LARP1B: variants seen among roughly 807,000 people sequenced by gnomAD.
LARP1B encodes the protein la-related protein 1B.
In LARP1B, 76 loss-of-function variants were observed where a neutral mutation model predicts 114.2. That is an observed-to-expected ratio of 0.67 (90% CI 0.55 to 0.81). The LOEUF is 0.81. Ranked by LOEUF, LARP1B falls within the 30% of genes least tolerant of loss-of-function variation. The pLI, the probability that LARP1B is intolerant of heterozygous loss-of-function variation, is 0.00. For missense variants in LARP1B, 1,014 were observed against 1,075.8 expected, an observed-to-expected ratio of 0.94 and a Z score of 0.80; for synonymous variants, 345 against 348.0, an observed-to-expected ratio of 0.99 and a Z score of 0.10.
chr4:128,196,248 C>CAAAAAAA (rs35423896), intron 15 of LARP1B, among the ~76,000 whole-genome samples: 13 of 88,592 alleles, frequency 1.5e-4, no homozygotes, highest in African/African-American at 3.5e-4. Flanking sequence ...GAGAGTCTGT[C>CAAAAAAA]AAAAAAAAAA....
chr4:128,061,358 C>G lies in LARP1B; in HGVS notation c.-121C>G, dbSNP rs1760026739. 6.6e-6 allele frequency: 1 copy of G among 152,284 alleles called. No individual in the cohort carries two copies. The highest frequency in any genetic ancestry group is 6.5e-5 in the Admixed American group (1 of 15,274). 9.4% of individuals were successfully genotyped at this position (152,284 alleles called of 1,614,324 possible). ...GCGCCTCCCCAACTCGGGTAAAGCT[C>G]CTCGGCCTCGGCGTGCTGCGCCTCC... is the stretch of plus-strand genomic sequence containing the variant. On this transcript the variant is annotated 5_prime_UTR_variant, in exon 1 of 20. Transcript: ENST00000326639.
chr4:128,156,863 TAA>T (rs56753518), intron 11 of LARP1B, among the ~76,000 whole-genome samples: 26,852 of 80,512 alleles, frequency 0.33, 3,106 homozygotes, highest in East Asian at 0.48. Context: ...GGCTTGAAGC[TAA>T]AAAAAAAAAA....
intron 8 of LARP1B, among the ~76,000 whole-genome samples, chr4:128,098,767 A>ATATATATAT (rs1328165907): frequency 8.6e-5 from 3 of 35,036 alleles, no homozygotes; most frequent in African/African-American, 2.5e-4. Context: ...ATATATATAT[A>ATATATATAT]TTTTTTTTTT....
At chr4:128,209,747 T>C in intron 19 of LARP1B, 109 bp from the exon 20 acceptor site, 1 of 762,514 alleles carries the variant, frequency 1.3e-6, no homozygotes, top group African/African-American at 1.8e-5. Flanking sequence ...AAAAAAATTA[T>C]ACTGAAGTGT....
chr4:128,214,185 C>A (rs1331340900), downstream of LARP1B, among the ~76,000 whole-genome samples: 1 of 134,846 alleles, frequency 7.4e-6, no homozygotes, highest in African/African-American at 2.7e-5. Context: ...GCTAGCACAG[C>A]AGTCTGAGAT....
chr4:128,155,866 C>A, intron 11 of LARP1B: 5 of 1,559,108 alleles, frequency 3.2e-6, no homozygotes, highest in Non-Finnish European at 4.4e-6. Flanking sequence ...GCAGAAGGAG[C>A]GCCTGGAGCT....
At chr4:128,178,210 T>A (rs1747081734) in intron 13 of LARP1B, among the ~76,000 whole-genome samples, 1 of 151,676 alleles carries the variant, frequency 6.6e-6, no homozygotes. Context: ...AGCTTCACCC[T>A]TTCTTTAAAA....
At chr4:128,077,186 G>T (rs1388746182) in intron 3 of LARP1B, among the ~76,000 whole-genome samples, 1 of 152,110 alleles carries the variant, frequency 6.6e-6, no homozygotes, top group East Asian at 1.9e-4. Flanking sequence ...GATGAAGTAT[G>T]TGATCAATCT....
At chr4:128,074,220 G>A (rs1766915462) in intron 1 of LARP1B, among the ~76,000 whole-genome samples, 1 of 152,100 alleles carries the variant, frequency 6.6e-6, no homozygotes, top group African/African-American at 2.4e-5. Context: ...GATTACAGGC[G>A]TGAGCCACCC....
chr4:128,161,172 T>C (rs1405744573), intron 11 of LARP1B, among the ~76,000 whole-genome samples: 3 of 152,190 alleles, frequency 2.0e-5, no homozygotes, highest in Non-Finnish European at 4.4e-5. Flanking sequence ...TCTCACAGTT[T>C]AGGCCAGACA....
At chr4:128,208,508 A>C (rs1310714324) in intron 19 of LARP1B, among the ~76,000 whole-genome samples, 3 of 152,132 alleles carry the variant, frequency 2.0e-5, no homozygotes, top group Non-Finnish European at 4.4e-5. Flanking sequence ...ATTAAGAGCT[A>C]TTTTTCTAGA....
At chr4:128,097,402 G>A (rs1258201269) in intron 7 of LARP1B, among the ~76,000 whole-genome samples, 1 of 151,732 alleles carries the variant, frequency 6.6e-6, no homozygotes, top group African/African-American at 2.4e-5. Context: ...TTGCTGCCCG[G>A]GTTCAAGGGA....
rs1364362958 is a variant in LARP1B at position 128,061,340 on chromosome 4, C to G, written c.-139C>G. On this transcript the variant is annotated 5_prime_UTR_variant, in exon 1 of 20. Transcript: ENST00000326639. ...TACCAGCTTTGGCTGCTCGCGCCTC[C>G]CCAACTCGGGTAAAGCTCCTCGGCC... The G allele has an allele frequency of 2.6e-5, 4 of 152,360 alleles. No individual in the cohort carries two copies. The highest frequency in any genetic ancestry group is 9.6e-5 in the African/African-American group (4 of 41,462). The allele number at this position is 152,360 out of a possible 1,614,324, so 9.4% of individuals were successfully genotyped here. A position where few individuals can be genotyped will look rare whatever the true frequency, so the allele number is the denominator to read the frequency against.
At chr4:128,111,386 A>G (rs1784059876) in intron 9 of LARP1B, among the ~76,000 whole-genome samples, 1 of 152,074 alleles carries the variant, frequency 6.6e-6, no homozygotes, top group Non-Finnish European at 1.5e-5. Context: ...ATGAACATTG[A>G]TAATTCATAG....
intron 7 of LARP1B, among the ~76,000 whole-genome samples, chr4:128,097,940 G>A (rs1363487595): frequency 6.6e-6 from 1 of 151,998 alleles, no homozygotes; most frequent in East Asian, 1.9e-4. Flanking sequence ...TAGTGAAACT[G>A]ATCTAAATAG....
rs991298441 is a variant in LARP1B, at chr4:128,210,891, C to A, written c.*838C>A. Reference sequence around the variant, plus strand: ...TGTCCTAAATTAATTAAATCTTGCACTGTTTTGAATGCATCTGCTATTTAT... The same window carrying A: ...TGTCCTAAATTAATTAAATCTTGCAATGTTTTGAATGCATCTGCTATTTAT... On this transcript the variant is annotated 3_prime_UTR_variant, in exon 20 of 20. Coordinates refer to ENST00000326639, the MANE Select transcript of LARP1B (RefSeq NM_018078.4). 1 of 982,660 alleles carries A rather than the reference C, an allele frequency of 1.0e-6. No homozygotes were observed. The highest frequency in any genetic ancestry group is 4.7e-5 in the South Asian group (1 of 21,236). The allele number at this position is 982,660 out of a possible 1,614,324, so 60.9% of individuals were successfully genotyped here.
Position 128,140,984 on chromosome 4 carries a change from T to G in LARP1B, c.1524+18796T>G, listed in dbSNP as rs1206439985. Reference sequence around the variant, plus strand: ...GCATGCACCACCATGCCTGGCTAATTTTTGTATTTTTAGTAGAGATGGAGT... The same window carrying G: ...GCATGCACCACCATGCCTGGCTAATGTTTGTATTTTTAGTAGAGATGGAGT... On this transcript the variant is annotated intron_variant, in intron 11 of 19. Coordinates refer to ENST00000326639, the MANE Select transcript of LARP1B (RefSeq NM_018078.4). Among the ~76,000 whole-genome samples, 3 of 152,004 alleles carry G rather than the reference T, an allele frequency of 2.0e-5. No homozygotes were observed. In the East Asian group the frequency reaches 5.8e-4, roughly 30 times the overall value.
chr4:128,194,781 C>T lies in LARP1B; in HGVS notation c.2004-4658C>T, dbSNP rs562259614. 1.3e-3 allele frequency among the ~76,000 whole-genome samples: 186 copies of T among 143,426 alleles called. 6 individuals are homozygous for T. The South Asian group carries it at 0.04, about 31-fold the overall frequency. 94.1% of individuals were successfully genotyped at this position (143,426 alleles called of 152,430 possible). ...ACTTAGGAGGCTGAGGCAGGAGAAT[C>T]GCTTGAACCTAGGAGGTGGAAATTG... On this transcript the variant is annotated intron_variant, in intron 15 of 19. Transcript: ENST00000326639.
chr4:128,099,959 T>C (rs1018011826), intron 8 of LARP1B, among the ~76,000 whole-genome samples: 1 of 152,004 alleles, frequency 6.6e-6, no homozygotes, highest in Non-Finnish European at 1.5e-5. Flanking sequence ...GGGTTTTTTA[T>C]TTTTTTGGGA....
Sources: allele counts gnomAD v4.1 joint callset (sites outside exome capture counted in the v4.1 genomes callset), GRCh38; gene constraint gnomAD v4.1.1; transcripts MANE v1.5; gene names NCBI Gene and HGNC (gene_info 2026-07-23, HGNC 2026-07-21).